Variants in COL3A1 observed in about 807,000 individuals in gnomAD.
COL3A1 encodes the protein collagen type III alpha 1 chain, also known as collagen alpha-1(III) chain.
COL3A1 carries 46 observed loss-of-function variants against 200.9 expected under a neutral mutation model. The ratio of observed to expected loss-of-function variants is 0.23; its 90% CI spans 0.18 to 0.29. COL3A1 has a LOEUF of 0.29. Among genes scored for constraint, COL3A1 ranks in the 10% least tolerant of loss-of-function variants. The pLI is 1.00. For missense variants in COL3A1, 1,367 were observed against 1,917.6 expected (o/e 0.71, Z 5.36); for synonymous variants, 650 against 628.0 (o/e 1.03, Z -0.52).
intron 1 of COL3A1, chr2:188,978,299 G>A (rs780190987): frequency 5.9e-6 from 1 of 168,372 alleles, no homozygotes. Context: ...CTGGATTGAT[G>A]TCTTATCTAC....
rs940223213 is a variant in COL3A1 at position 188,989,948 on chromosome 2, A to G, written c.691-148A>G. ...GGGAAAGGTCTTCCTCATGCCTTCT[A>G]CCAAGAAAGCTGATCTCAACTATAC... On this transcript the variant is annotated intron_variant, in intron 8 of 50. Coordinates refer to ENST00000304636, the MANE Select transcript of COL3A1 (RefSeq NM_000090.4). 11 of 748,188 alleles carry G rather than the reference A, an allele frequency of 1.5e-5. No homozygotes were observed. In the African/African-American group the frequency reaches 1.6e-4, roughly 11 times the overall value. 46.3% of individuals were successfully genotyped at this position (748,188 alleles called of 1,614,324 possible).
At position 188,993,989 on chromosome 2, in the gene COL3A1, G is replaced by A. The variant is rs774201094; in HGVS notation, c.1150-49G>A. 72 of 1,549,314 alleles carry A rather than the reference G, an allele frequency of 4.6e-5. No homozygotes were observed. The Admixed American group carries it at 7.4e-4, about 16-fold the overall frequency. Reference sequence around the variant, plus strand: ...CACACAAACAACTTCAAATATATACGAACTATTTGCATTACTATTAATACA... The same window carrying A: ...CACACAAACAACTTCAAATATATACAAACTATTTGCATTACTATTAATACA... On this transcript the variant is annotated intron_variant, in intron 16 of 50. Transcript: ENST00000304636.
chr2:188,989,481 C>G, intron 8 of COL3A1, 32 bp downstream of exon 8: 2 of 1,515,502 alleles, frequency 1.3e-6, no homozygotes, highest in Non-Finnish European at 1.8e-6. Context: ...AAGAATACAG[C>G]AAAATTTAAC....
Position 188,997,178 on chromosome 2 carries a change from A to G in COL3A1, c.1775A>G (p.Lys592Arg). 6.2e-7 allele frequency: 1 copy of G among 1,614,034 alleles called. No homozygotes were observed. The highest frequency in any genetic ancestry group is 8.5e-7 in the Non-Finnish European group (1 of 1,180,000). Residue 592 changes from lysine to arginine, a missense_variant, in exon 25 of 51, where the codon AAG becomes AGG. Around this residue, in one of 5 missense-constraint regions of COL3A1, gnomAD observed 846 missense variants for 1,147.9 expected, o/e 0.74. Coordinates refer to ENST00000304636, the MANE Select transcript of COL3A1 (RefSeq NM_000090.4). ...GPKGNDGAPG[K>R]NGERGGPGGP... is the part of the protein sequence containing the mutation. ...CTTCTTCTTTAGGGTGCTCCTGGTA[A>G]GAATGGAGAACGAGGTGGCCCTGGA...
intron 43 of COL3A1, 152 bp downstream of exon 43, chr2:189,006,604 G>A: frequency 1.2e-6 from 1 of 819,284 alleles, no homozygotes; most frequent in Non-Finnish European, 2.0e-6. Flanking sequence ...AGACAAATGT[G>A]TGAATAAGTC....
At chr2:188,986,387 T>C (rs919551839) in intron 4 of COL3A1, among the ~76,000 whole-genome samples, 1 of 152,012 alleles carries the variant, frequency 6.6e-6, no homozygotes, top group Non-Finnish European at 1.5e-5. Flanking sequence ...TTTTGTGAGG[T>C]TAAAAAGTGC....
rs1318892403 is a variant in COL3A1 at position 188,991,008 on chromosome 2, T to C, written c.803T>C (p.Phe268Ser). The C allele has an allele frequency of 5.0e-6, 8 of 1,613,248 alleles. No homozygotes were observed. The highest frequency in any genetic ancestry group is 1.7e-5 in the Admixed American group (1 of 60,000). Residue 268 changes from phenylalanine to serine, a missense_variant, in exon 11 of 51, where the codon TTC becomes TCC. By Grantham distance (155) the Phe-to-Ser change is radical (BLOSUM62 -2). Transcript: ENST00000304636. ...GFPGMKGHRG[F>S]DGRNGEKGET... ...CTGGTTTTATACATTTCCTAGGGCT[T>C]CGATGGACGAAATGGAGAAAAGGGT...
chr2:188,985,623 C>A (rs754999342), intron 3 of COL3A1, 42 bp from the exon 4 acceptor site: 3 of 1,279,600 alleles, frequency 2.3e-6, no homozygotes, highest in East Asian at 2.4e-5. Context: ...TGTGAATCAC[C>A]AGGATTTTTC....
Position 188,987,133 on chromosome 2 carries a change from A to G in COL3A1, c.522A>G (p.Gly174=). ...TAGGAGGACTCGCAGGCTATCCTGG[A>G]CCAGCTGTACGTACAAATGTTTCTC... ...VAVGGLAGYP[G]PAGPPGPPGP... Residue 174 remains glycine, a synonymous_variant, in exon 5 of 51, where the codon GGA becomes GGG. Coordinates refer to ENST00000304636, the MANE Select transcript of COL3A1 (RefSeq NM_000090.4). 6.2e-7 allele frequency: 1 copy of G among 1,611,488 alleles called. No homozygotes were observed. The highest frequency in any genetic ancestry group is 1.1e-5 in the South Asian group (1 of 91,036).
rs371855760 is a variant in COL3A1, at chr2:189,009,149, C to G, written c.3751C>G (p.Pro1251Ala). The change falls in exon 48 of 51, where the codon CCT (proline) becomes GCT (alanine). Residue 1251 changes from proline to alanine, a missense_variant. By Grantham distance (27) the Pro-to-Ala change is conservative (BLOSUM62 -1). Coordinates refer to ENST00000304636, the MANE Select transcript of COL3A1 (RefSeq NM_000090.4). ...VNGQIESLIS[P>A]DGSRKNPARN... ...TGGACAAATAGAAAGCCTCATTAGT[C>G]CTGATGGTTCTCGTAAAAACCCCGC... The G allele has an allele frequency of 6.2e-7, 1 of 1,614,088 alleles. No homozygotes were observed. Among genetic ancestry groups the G allele is most frequent in the African/African-American group, 1.3e-5 (1 of 74,934 alleles).
In COL3A1 at chr2:189,010,798, A is replaced by G. The variant is rs1160384928; in HGVS notation, c.4162A>G (p.Lys1388Glu). The G allele has an allele frequency of 6.2e-7, 1 of 1,614,056 alleles. No individual in the cohort carries two copies. Among genetic ancestry groups the G allele is most frequent in the Non-Finnish European group, 8.5e-7 (1 of 1,180,020 alleles). Residue 1388 changes from lysine to glutamate, a missense_variant, in exon 50 of 51, where the codon AAG (lysine) becomes GAG (glutamate). Around this residue, in one of 5 missense-constraint regions of COL3A1, gnomAD observed 846 missense variants for 1,147.9 expected, o/e 0.74. Coordinates refer to ENST00000304636, the MANE Select transcript of COL3A1 (RefSeq NM_000090.4). ...GGATCAGGCCAGTGGAAATGTAAAG[A>G]AGGCCCTGAAGCTGATGGGGTCAAA... ...YMDQASGNVKKALKLMGSNEG... is the reference protein window; with the variant it reads ...YMDQASGNVKEALKLMGSNEG...
At chr2:188,997,612 T>G in intron 26 of COL3A1, 88 bp from the exon 27 acceptor site, 2 of 1,373,608 alleles carry the variant, frequency 1.5e-6, no homozygotes, top group South Asian at 2.4e-5. Flanking sequence ...ACTACTTTTA[T>G]AATTAAGCAA....
In COL3A1 at chr2:189,006,469, A is replaced by C; in HGVS notation, c.3201+17A>C. The C allele has an allele frequency of 6.2e-7, 1 of 1,610,894 alleles. No individual in the cohort carries two copies. The highest frequency in any genetic ancestry group is 1.1e-5 in the South Asian group (1 of 91,008). On this transcript the variant is annotated intron_variant, in intron 43 of 50. Coordinates refer to ENST00000304636, the MANE Select transcript of COL3A1 (RefSeq NM_000090.4). ...GGAGAAAGTGTGAGTTCCCAAAAGC[A>C]GCATCTGTCTTGTTTGTCTATTTCC...
At position 189,005,474 on chromosome 2, in the gene COL3A1, A is replaced by C; in HGVS notation, c.3039+17A>C. The C allele has an allele frequency of 1.9e-6, 3 of 1,588,842 alleles. No homozygotes were observed. Among genetic ancestry groups the C allele is most frequent in the Non-Finnish European group, 2.6e-6 (3 of 1,157,058 alleles). On this transcript the variant is annotated intron_variant, in intron 41 of 50. Transcript: ENST00000304636. ...GGAAGAGATGTGAGTAGCAGTTTTT[A>C]TTCAACCAGCCAGGTAGAATTTGAT...
chr2:188,999,444 A>G (rs1045100885), intron 30 of COL3A1, 26 bp from the exon 31 acceptor site: 2 of 1,613,952 alleles, frequency 1.2e-6, no homozygotes, highest in African/African-American at 1.3e-5. Flanking sequence ...CCTTCTGATC[A>G]TTTATTATTT....
intron 36 of COL3A1, 108 bp downstream of exon 36, chr2:189,003,170 A>G: frequency 1.0e-6 from 1 of 959,976 alleles, no homozygotes; most frequent in Non-Finnish European, 1.6e-6. Flanking sequence ...GTAAGTCCTA[A>G]GTGTTCTAAT....
chr2:189,003,929 G>GA, intron 38 of COL3A1, 53 bp from the exon 39 acceptor site: 1 of 1,565,586 alleles, frequency 6.4e-7, no homozygotes, highest in East Asian at 2.4e-5. Context: ...AAAAAAGAAA[G>GA]AAAAAATGCA....
chr2:188,998,584 T>C (rs889990560), intron 28 of COL3A1, 90 bp from the exon 29 acceptor site: 1 of 1,332,362 alleles, frequency 7.5e-7, no homozygotes, highest in Non-Finnish European at 1.1e-6. Flanking sequence ...TTTGCTTATA[T>C]TTACATATTT....
intron 31 of COL3A1, 121 bp downstream of exon 31, chr2:188,999,698 G>A: frequency 7.3e-7 from 1 of 1,377,794 alleles, no homozygotes; most frequent in South Asian, 1.2e-5. Flanking sequence ...TTTATAGTAA[G>A]TGAAATTTAA....
Sources: allele counts gnomAD v4.1 joint callset (sites outside exome capture counted in the v4.1 genomes callset), GRCh38; gene constraint gnomAD v4.1.1; regional missense constraint gnomAD v4.1.1; transcripts MANE v1.5; gene names NCBI Gene and HGNC (gene_info 2026-07-23, HGNC 2026-07-21).